The following CTNNA2 variants were observed in gnomAD, a reference collection of about 807,000 sequenced individuals.
CTNNA2 encodes catenin alpha-2.
A neutral mutation model predicts 101.0 loss-of-function variants in CTNNA2; 42 were observed. That is an observed-to-expected ratio of 0.42 (90% CI 0.32 to 0.54). The LOEUF is 0.54. Ranked by LOEUF, CTNNA2 falls within the 20% of genes least tolerant of loss-of-function variation. The pLI is 0.14. For missense variants in CTNNA2, 871 were observed against 1,223.1 expected (o/e 0.71, Z 4.29); for synonymous variants, 450 against 456.4 (o/e 0.99, Z 0.18).
intron 4 of CTNNA2, among the ~76,000 whole-genome samples, chr2:79,483,701 T>G (rs1298187874): frequency 1.3e-5 from 2 of 152,216 alleles, no homozygotes; most frequent in Non-Finnish European, 2.9e-5. Context: ...AGAATAATGG[T>G]CTCCACCTCC....
chr2:79,678,464 G>A (rs1312104926), intron 2 of CTNNA2, among the ~76,000 whole-genome samples: 1 of 151,662 alleles, frequency 6.6e-6, no homozygotes, highest in East Asian at 1.9e-4. Context: ...GAGCCTAGAA[G>A]GTGGAGGTTG....
chr2:80,262,846 T>A (rs986491320), intron 7 of CTNNA2, among the ~76,000 whole-genome samples: 1 of 152,300 alleles, frequency 6.6e-6, no homozygotes, highest in African/African-American at 2.4e-5. Flanking sequence ...TCTTAAGAAC[T>A]AAAAATCAGG....
chr2:79,316,019 G>T (rs1558622226), intron 3 of CTNNA2, among the ~76,000 whole-genome samples: 1 of 151,960 alleles, frequency 6.6e-6, no homozygotes, highest in Non-Finnish European at 1.5e-5. Context: ...TCTGTCACTT[G>T]TGCATTTTTT....
At chr2:80,215,984 G>A (rs1025637803) in intron 7 of CTNNA2, among the ~76,000 whole-genome samples, 22 of 152,260 alleles carry the variant, frequency 1.4e-4, no homozygotes, top group African/African-American at 3.6e-4. Context: ...CTCCAGCCTC[G>A]CTGCCATCTT....
chr2:80,492,037 GGT>G (rs1687103869), intron 9 of CTNNA2, among the ~76,000 whole-genome samples: 3 of 152,074 alleles, frequency 2.0e-5, no homozygotes, highest in Non-Finnish European at 4.4e-5. Context: ...GGAATTAGAT[GGT>G]GATATGGTGT....
chr2:79,284,983 T>C (rs964530166), intron 2 of CTNNA2, among the ~76,000 whole-genome samples: 1 of 103,944 alleles, frequency 9.6e-6, no homozygotes, highest in Admixed American at 1.0e-4. Flanking sequence ...CCTGGTTTAG[T>C]CTTGGAAGAG....
At chr2:80,140,641 T>C (rs145433113) in intron 7 of CTNNA2, among the ~76,000 whole-genome samples, 36 of 152,314 alleles carry the variant, frequency 2.4e-4, no homozygotes, top group African/African-American at 8.7e-4. Flanking sequence ...AACCTTGTAG[T>C]TCATTTTAAT....
intron 12 of CTNNA2, among the ~76,000 whole-genome samples, chr2:80,563,320 G>A (rs1393520595): frequency 6.6e-6 from 1 of 152,196 alleles, no homozygotes; most frequent in Non-Finnish European, 1.5e-5. Context: ...AGGGGAAACT[G>A]CCACATCAGT....
In CTNNA2 at chr2:80,215,219, C is replaced by T. The variant is rs371754000; in HGVS notation, c.1057-177992C>T. On this transcript the variant is annotated intron_variant, in intron 7 of 18. Transcript: ENST00000402739. ...TGGGTTAGAACATCCTCCTTTAGTT[C>T]GGAGAAGTTTGTTATTACCGATCAT... is the stretch of plus-strand genomic sequence containing the variant. Among the ~76,000 whole-genome samples the T allele has an allele frequency of 3.9e-5, 6 of 152,188 alleles. 1 individual carries two copies. The Middle Eastern group carries it at 0.01, about 261-fold the overall frequency.
chr2:80,040,046 A>G (rs1695936507), intron 7 of CTNNA2, among the ~76,000 whole-genome samples: 1 of 152,206 alleles, frequency 6.6e-6, no homozygotes, highest in African/African-American at 2.4e-5. Flanking sequence ...AAGCTTGTTG[A>G]TCTTTCTACA....
intron 12 of CTNNA2, among the ~76,000 whole-genome samples, chr2:80,564,074 A>C (rs1299290621): frequency 1.3e-5 from 2 of 152,204 alleles, no homozygotes; most frequent in African/African-American, 4.8e-5. Context: ...ACATAATGAC[A>C]CAGTTACCTT....
intron 3 of CTNNA2, among the ~76,000 whole-genome samples, chr2:79,350,133 T>C (rs1037060490): frequency 1.3e-5 from 2 of 151,964 alleles, no homozygotes; most frequent in African/African-American, 4.8e-5. Flanking sequence ...AATTTTTTCT[T>C]TCTAAAAATT....
At chr2:79,627,271 T>G (rs891889327) in intron 1 of CTNNA2, among the ~76,000 whole-genome samples, 1 of 152,246 alleles carries the variant, frequency 6.6e-6, no homozygotes, top group Non-Finnish European at 1.5e-5. Context: ...CTTCAGTTAT[T>G]TCTATTTTGC....
At chr2:80,593,955 G>T (rs986723131) in intron 15 of CTNNA2, among the ~76,000 whole-genome samples, 2 of 152,094 alleles carry the variant, frequency 1.3e-5, no homozygotes, top group Non-Finnish European at 2.9e-5. Flanking sequence ...GTATAAGTAT[G>T]TAAGTTCCTG....
At chr2:79,495,149 T>C (rs770207297) in intron 4 of CTNNA2, among the ~76,000 whole-genome samples, 6 of 151,988 alleles carry the variant, frequency 3.9e-5, no homozygotes, top group Non-Finnish European at 8.8e-5. Context: ...ACAACAACTT[T>C]TGCGCTGCAA....
intron 3 of CTNNA2, among the ~76,000 whole-genome samples, chr2:79,829,522 A>T (rs1574076799): frequency 6.6e-6 from 1 of 151,252 alleles, no homozygotes; most frequent in East Asian, 2.0e-4. Flanking sequence ...GTGAGCTGAG[A>T]TCGCGCCATT....
At chr2:79,788,707 C>T (rs924036847) in intron 3 of CTNNA2, among the ~76,000 whole-genome samples, 4 of 152,158 alleles carry the variant, frequency 2.6e-5, no homozygotes, top group African/African-American at 7.2e-5. Flanking sequence ...ACACAATTTA[C>T]TGACCTTAGT....
rs192331511 is a variant in CTNNA2 at position 80,636,134 on chromosome 2, G to A, written c.2575-11451G>A. ...TTTATTTGGTTAGTAAATGTGTGCA[G>A]AGCAGGACCAAAGGCAGCAAGATTG... is the stretch of plus-strand genomic sequence containing the variant. On this transcript the variant is annotated intron_variant, in intron 18 of 18. Transcript: ENST00000402739. Among the ~76,000 whole-genome samples the A allele has an allele frequency of 5.5e-4, 83 of 152,148 alleles. No homozygotes were observed. The Middle Eastern group carries it at 0.01, about 19-fold the overall frequency.
intron 3 of CTNNA2, among the ~76,000 whole-genome samples, chr2:79,345,034 C>T (rs1001887424): frequency 1.1e-4 from 16 of 150,246 alleles, no homozygotes; most frequent in Admixed American, 2.0e-4. Flanking sequence ...TATGTATTCC[C>T]GTAACTTATG....
Sources: allele counts gnomAD v4.1 joint callset (sites outside exome capture counted in the v4.1 genomes callset), GRCh38; gene constraint gnomAD v4.1.1; transcripts MANE v1.5; gene names NCBI Gene and HGNC (gene_info 2026-07-23, HGNC 2026-07-21).